The following LNX1 variants were observed in gnomAD, a reference collection of about 807,000 sequenced individuals.
LNX1 encodes the protein ligand of numb-protein X 1.
A neutral mutation model predicts 68.4 loss-of-function variants in LNX1; 54 were observed. That is an observed-to-expected ratio of 0.79 (90% CI 0.63 to 0.99). LNX1 has a LOEUF of 0.99. LNX1 is among the 50% of genes least tolerant of loss of function. LNX1 has a pLI of 0.00. For missense variants in LNX1, 906 were observed against 926.4 expected, an observed-to-expected ratio of 0.98 and a Z score of 0.29; for synonymous variants, 336 against 350.0, an observed-to-expected ratio of 0.96 and a Z score of 0.45.
chr4:53,489,861 G>T (rs1365933099), intron 6 of LNX1, among the ~76,000 whole-genome samples: 1 of 152,006 alleles, frequency 6.6e-6, no homozygotes, highest in East Asian at 1.9e-4. Flanking sequence ...TTTAAGTAGG[G>T]ATTTAATTCC....
chr4:53,548,765 G>A (rs1446793418), intron 2 of LNX1, among the ~76,000 whole-genome samples: 6 of 152,274 alleles, frequency 3.9e-5, no homozygotes, highest in Admixed American at 2.0e-4. Context: ...CAAAGATATG[G>A]AATCAAACTA....
At chr4:53,648,760 T>G (rs926155378) in intron 1 of LNX1, among the ~76,000 whole-genome samples, 1 of 152,124 alleles carries the variant, frequency 6.6e-6, no homozygotes, top group Non-Finnish European at 1.5e-5. Context: ...CAAATAGACT[T>G]TCAGAACAGT....
intron 2 of LNX1, among the ~76,000 whole-genome samples, chr4:53,607,032 G>A (rs1410515642): frequency 2.6e-5 from 4 of 152,180 alleles, no homozygotes; most frequent in Non-Finnish European, 4.4e-5. Context: ...GAAGCATTCC[G>A]TTTGAAAACC....
At chr4:53,629,855 G>C (rs1332404048) in intron 1 of LNX1, among the ~76,000 whole-genome samples, 1 of 152,098 alleles carries the variant, frequency 6.6e-6, no homozygotes, top group Non-Finnish European at 1.5e-5. Flanking sequence ...GCCTTGGTTT[G>C]ATTTTTAAAA....
intron 9 of LNX1, among the ~76,000 whole-genome samples, chr4:53,474,232 C>T (rs560253673): frequency 6.6e-6 from 1 of 152,308 alleles, no homozygotes; most frequent in Admixed American, 6.5e-5. Flanking sequence ...AAATAAAATG[C>T]ATGGTACATA....
At chr4:53,627,046 C>G (rs995223655) in intron 1 of LNX1, among the ~76,000 whole-genome samples, 1 of 152,264 alleles carries the variant, frequency 6.6e-6, no homozygotes, top group East Asian at 1.9e-4. Flanking sequence ...GAGCACTGCA[C>G]GCTTCTGCAG....
upstream of LNX1, among the ~76,000 whole-genome samples, chr4:53,595,486 G>A (rs900325399): frequency 2.0e-5 from 3 of 152,184 alleles, no homozygotes; most frequent in African/African-American, 4.8e-5. Context: ...ATGGTTTTCA[G>A]CATTGAGCTA....
intron 2 of LNX1, among the ~76,000 whole-genome samples, chr4:53,609,282 A>T (rs1235253571): frequency 2.0e-5 from 3 of 152,072 alleles, no homozygotes; most frequent in African/African-American, 7.2e-5. Context: ...AAAGTAAAAA[A>T]AAAAGGAAAT....
At chr4:53,576,859 G>A (rs942062832) in intron 1 of LNX1, among the ~76,000 whole-genome samples, 13 of 152,264 alleles carry the variant, frequency 8.5e-5, no homozygotes, top group Admixed American at 2.6e-4. Flanking sequence ...TGCAAACATA[G>A]CCTTATCTCA....
chr4:53,578,372 A>G (rs1731627950), intron 1 of LNX1, among the ~76,000 whole-genome samples: 1 of 152,220 alleles, frequency 6.6e-6, no homozygotes, highest in Admixed American at 6.5e-5. Context: ...TACACCATAT[A>G]GATGTGTAGT....
At chr4:53,489,708 C>T (rs754426385) in intron 6 of LNX1, among the ~76,000 whole-genome samples, 1 of 152,134 alleles carries the variant, frequency 6.6e-6, no homozygotes, top group Non-Finnish European at 1.5e-5. Context: ...CCAAGTCACA[C>T]ACTTTATCAA....
chr4:53,487,622 T>C (rs926579999), intron 6 of LNX1, among the ~76,000 whole-genome samples: 14 of 152,170 alleles, frequency 9.2e-5, no homozygotes, highest in Admixed American at 8.5e-4. Context: ...AGGCAGACCA[T>C]GTACATAGCT....
Position 53,574,136 on chromosome 4 carries a change from G to C in LNX1, c.-86-48C>G, listed in dbSNP as rs776083798. 1.1e-4 allele frequency: 145 copies of C among 1,303,164 alleles called. 1 individual carries two copies. The highest frequency in any genetic ancestry group is 1.3e-4 in the Non-Finnish European group (123 of 976,976). The allele number at this position is 1,303,164 out of a possible 1,614,324, so 80.7% of individuals were successfully genotyped here. A position where few individuals can be genotyped will look rare whatever the true frequency, so the allele number is the denominator to read the frequency against. On this transcript the variant is annotated intron_variant, in intron 1 of 10. Transcript: ENST00000263925. ...ACCTTTGCTTCCCAGCACATGAAAGGCTTATGCTTATGGTAGACATGAGAC... is the reference window on the plus strand; with the variant it reads ...ACCTTTGCTTCCCAGCACATGAAAGCCTTATGCTTATGGTAGACATGAGAC...
At chr4:53,587,321 A>T (rs1379890659) in intron 1 of LNX1, among the ~76,000 whole-genome samples, 1 of 152,128 alleles carries the variant, frequency 6.6e-6, no homozygotes, top group African/African-American at 2.4e-5. Context: ...TGGTTTTTTT[A>T]TGGTTTTCAT....
At chr4:53,597,756 C>A (rs972643464) in intron 2 of LNX1, among the ~76,000 whole-genome samples, 1 of 152,132 alleles carries the variant, frequency 6.6e-6, no homozygotes, top group African/African-American at 2.4e-5. Flanking sequence ...TAGCCATTGT[C>A]ATTTCAAAGG....
intron 2 of LNX1, among the ~76,000 whole-genome samples, chr4:53,565,022 T>C (rs955380678): frequency 1.3e-4 from 20 of 152,152 alleles, no homozygotes; most frequent in South Asian, 2.1e-4. Context: ...CGCTGATTGC[T>C]AGCACAGCAG....
At chr4:53,569,931 C>T (rs559618587) in intron 2 of LNX1, among the ~76,000 whole-genome samples, 1 of 151,796 alleles carries the variant, frequency 6.6e-6, no homozygotes, top group Middle Eastern at 3.4e-3. Context: ...CATCACTGGC[C>T]ATCAGAGAAA....
intron 1 of LNX1, among the ~76,000 whole-genome samples, chr4:53,645,823 T>C (rs1459930363): frequency 2.6e-5 from 4 of 152,188 alleles, no homozygotes; most frequent in Non-Finnish European, 5.9e-5. Flanking sequence ...ATGTTTTGAA[T>C]GAATATCTGA....
At chr4:53,608,612 G>A (rs1733324710) in intron 2 of LNX1, among the ~76,000 whole-genome samples, 1 of 152,068 alleles carries the variant, frequency 6.6e-6, no homozygotes, top group Non-Finnish European at 1.5e-5. Flanking sequence ...CCATTTTTGG[G>A]TATATACCAG....
Sources: allele counts gnomAD v4.1 joint callset (sites outside exome capture counted in the v4.1 genomes callset), GRCh38; gene constraint gnomAD v4.1.1; transcripts MANE v1.5; gene names NCBI Gene and HGNC (gene_info 2026-07-23, HGNC 2026-07-21).